Variants in PSD3 observed in about 807,000 individuals in gnomAD.
PSD3 encodes the protein pleckstrin and Sec7 domain containing 3.
Under a neutral mutation model 105.5 loss-of-function variants are expected in PSD3, and 49 were observed. The observed-to-expected ratio is 0.46, with a 90% CI of 0.37 to 0.59. The LOEUF is 0.59. Ranked by LOEUF, PSD3 falls within the 20% of genes least tolerant of loss-of-function variation. The pLI, the probability that PSD3 is intolerant of heterozygous loss-of-function variation, is 0.00. For synonymous variants in PSD3, 557 were observed against 457.8 expected (o/e 1.22, Z -2.77); for missense variants, 1,561 against 1,263.8 (o/e 1.24, Z -3.57).
chr8:18,802,032 G>C (rs905663330), intron 6 of PSD3, among the ~76,000 whole-genome samples: 1 of 151,938 alleles, frequency 6.6e-6, no homozygotes, highest in African/African-American at 2.4e-5. Flanking sequence ...AACTCTACAC[G>C]CATCAGGGTG....
chr8:18,858,716 T>C lies in PSD3; in HGVS notation c.1634+8958A>G, dbSNP rs192007269. 1.2e-3 allele frequency among the ~76,000 whole-genome samples: 176 copies of C among 152,320 alleles called. 1 individual carries two copies. Among genetic ancestry groups the C allele is most frequent in the African/African-American group, 4.2e-3 (174 of 41,578 alleles). ...AGAAACCGCTTTCTTTATTCACCCATAAGAAGCAACTCCTCATTTATTAAA... is the reference window on the plus strand; with the variant it reads ...AGAAACCGCTTTCTTTATTCACCCACAAGAAGCAACTCCTCATTTATTAAA... On this transcript the variant is annotated intron_variant, in intron 4 of 15. Coordinates refer to ENST00000327040, the MANE Select transcript of PSD3 (RefSeq NM_015310.4).
At chr8:18,928,880 C>T (rs892612704) in intron 2 of PSD3, among the ~76,000 whole-genome samples, 1 of 151,860 alleles carries the variant, frequency 6.6e-6, no homozygotes, top group South Asian at 2.1e-4. Flanking sequence ...CAAGGTCTCA[C>T]TATGTTGCCC....
chr8:18,876,815 A>G (rs1484029109), intron 2 of PSD3, among the ~76,000 whole-genome samples: 7 of 152,226 alleles, frequency 4.6e-5, no homozygotes, highest in Non-Finnish European at 1.0e-4. Context: ...AAGCAAATGC[A>G]CTATTTACAT....
At chr8:18,915,114 C>A (rs12550063) in intron 2 of PSD3, among the ~76,000 whole-genome samples, 3 of 152,040 alleles carry the variant, frequency 2.0e-5, no homozygotes, top group African/African-American at 4.8e-5. Flanking sequence ...CATCAATGAA[C>A]AGTGCTGGGA....
At chr8:19,054,787 A>G (rs1828654363) in intron 1 of PSD3, among the ~76,000 whole-genome samples, 3 of 152,344 alleles carry the variant, frequency 2.0e-5, no homozygotes, top group Middle Eastern at 3.4e-3. Flanking sequence ...AGCACAAACA[A>G]TATTAAATCC....
chr8:18,829,915 C>T (rs1454183720), intron 4 of PSD3, among the ~76,000 whole-genome samples: 1 of 152,088 alleles, frequency 6.6e-6, no homozygotes, highest in Non-Finnish European at 1.5e-5. Flanking sequence ...ATAATCACAA[C>T]CATACCTTCT....
chr8:18,760,670 T>C (rs2129442537), intron 9 of PSD3, among the ~76,000 whole-genome samples: 1 of 152,334 alleles, frequency 6.6e-6, no homozygotes, highest in Middle Eastern at 3.4e-3. Context: ...GTATCTGGGC[T>C]GTTATGAATT....
intron 9 of PSD3, among the ~76,000 whole-genome samples, chr8:18,675,451 C>T (rs753917926): frequency 5.3e-5 from 8 of 152,110 alleles, no homozygotes; most frequent in Admixed American, 6.5e-5. Context: ...GTGGCAGTAA[C>T]GAGTACACTA....
intron 9 of PSD3, among the ~76,000 whole-genome samples, chr8:18,763,846 A>G (rs1431191635): frequency 1.3e-5 from 2 of 152,156 alleles, no homozygotes; most frequent in African/African-American, 4.8e-5. Context: ...TACCATGCTA[A>G]CCACCACCAT....
intron 4 of PSD3, among the ~76,000 whole-genome samples, chr8:18,821,864 CACACACACCACACACACA>C (rs1812762020): frequency 2.3e-5 from 2 of 87,986 alleles, no homozygotes; most frequent in Non-Finnish European, 5.1e-5. Flanking sequence ...CACACACATG[CACACACACCACACACACA>C]CACACACACA....
intron 4 of PSD3, among the ~76,000 whole-genome samples, chr8:18,855,987 C>G (rs1815978154): frequency 6.6e-6 from 1 of 152,214 alleles, no homozygotes; most frequent in South Asian, 2.1e-4. Context: ...AACACCTGTT[C>G]AGTCTGGACA....
At chr8:18,858,598 C>T (rs867385355) in intron 4 of PSD3, among the ~76,000 whole-genome samples, 3 of 152,114 alleles carry the variant, frequency 2.0e-5, no homozygotes, top group African/African-American at 7.2e-5. Flanking sequence ...CAAACCTTGC[C>T]ACTGCTTTAT....
chr8:18,660,983 C>T (rs935408219), intron 9 of PSD3, among the ~76,000 whole-genome samples: 2 of 152,190 alleles, frequency 1.3e-5, no homozygotes, highest in African/African-American at 2.4e-5. Context: ...TTGGTTGCTT[C>T]TCAGAGACGA....
intron 6 of PSD3, 130 bp from the exon 7 acceptor site, chr8:18,801,512 C>T (rs984589191): frequency 2.2e-5 from 12 of 553,036 alleles, no homozygotes; most frequent in Non-Finnish European, 3.8e-5. Context: ...AAGTTATCTC[C>T]CCCCAAAAAA....
chr8:18,601,191 T>C (rs1299473358), intron 11 of PSD3, among the ~76,000 whole-genome samples: 2 of 152,252 alleles, frequency 1.3e-5, no homozygotes, highest in East Asian at 1.9e-4. Context: ...TTTTTCTGGA[T>C]ATGAATTCTC....
intron 9 of PSD3, among the ~76,000 whole-genome samples, chr8:18,727,120 G>C (rs1209241406): frequency 6.6e-6 from 1 of 152,042 alleles, no homozygotes; most frequent in Non-Finnish European, 1.5e-5. Context: ...GGTGAACCAT[G>C]AGGACAGGTA....
At chr8:18,913,833 A>G (rs949467217) in intron 2 of PSD3, among the ~76,000 whole-genome samples, 1 of 150,644 alleles carries the variant, frequency 6.6e-6, no homozygotes, top group African/African-American at 2.4e-5. Context: ...CTTTAAGCAC[A>G]CCCCAATGCC....
At chr8:18,971,112 C>A (rs984776332) in intron 1 of PSD3, among the ~76,000 whole-genome samples, 1 of 152,156 alleles carries the variant, frequency 6.6e-6, no homozygotes, top group Admixed American at 6.6e-5. Context: ...ACCCCAGAAT[C>A]CTAGGCCACA....
intron 9 of PSD3, among the ~76,000 whole-genome samples, chr8:18,676,624 G>A (rs910000051): frequency 2.0e-5 from 3 of 152,178 alleles, no homozygotes; most frequent in African/African-American, 7.2e-5. Flanking sequence ...TGTTGCTGCT[G>A]GCCAGACCAG....
Sources: gnomAD v4.1 joint callset for allele counts (sites outside exome capture counted in the v4.1 genomes callset) on GRCh38, gnomAD v4.1.1 for gene constraint, MANE v1.5 for transcripts, NCBI Gene and HGNC (gene_info 2026-07-23, HGNC 2026-07-21) for gene names.